CPS1: variants seen among roughly 807,000 people sequenced by gnomAD.
CPS1 encodes carbamoyl-phosphate synthase [ammonia], mitochondrial.
In CPS1, 109 loss-of-function variants were observed where a neutral mutation model predicts 174.6. The ratio of observed to expected loss-of-function variants is 0.62; its 90% confidence interval spans 0.53 to 0.73. CPS1 has a LOEUF of 0.73. CPS1 is among the 30% of genes least tolerant of loss of function. The pLI is 0.00. For missense variants in CPS1, 1,689 were observed against 1,821.9 expected (o/e 0.93, Z 1.33); for synonymous variants, 637 against 632.0 (o/e 1.01, Z -0.12).
At chr2:210,657,368 T>C (rs547450520) in intron 30 of CPS1, 1 of 151,206 alleles carries the variant, frequency 6.6e-6, no homozygotes, top group Admixed American at 6.6e-5. Flanking sequence ...GGGACTGCAG[T>C]GGCGCGATCT....
intron 14 of CPS1, 46 bp downstream of exon 14, chr2:210,599,607 C>T: frequency 1.3e-6 from 2 of 1,545,952 alleles, no homozygotes; most frequent in East Asian, 4.5e-5. Context: ...ATATGCACTG[C>T]TGTGTAATGT....
chr2:210,677,903 C>G lies in CPS1; in HGVS notation c.4421C>G (p.Ala1474Gly), dbSNP rs1273985260. ...TATTTTCAGGTGACCAAACTTTTTG[C>G]TGAAGCTGTGCAGAAATCTCGCAAG... The part of the protein sequence containing the change: ...LTNFQVTKLF[A>G]EAVQKSRKVD... The change falls in exon 38 of 38, where the codon GCT becomes GGT. Residue 1474 changes from alanine (A) to glycine (G), a missense_variant. Ala to Gly is a moderately conservative substitution (Grantham distance 60). Transcript: ENST00000233072. 6.2e-7 allele frequency: 1 copy of G among 1,613,818 alleles called. No individual in the cohort carries two copies. Among genetic ancestry groups the G allele is most frequent in the Non-Finnish European group, 8.5e-7 (1 of 1,179,860 alleles).
At chr2:210,637,644 C>T in intron 21 of CPS1, 58 bp from the exon 22 acceptor site, 1 of 1,581,544 alleles carries the variant, frequency 6.3e-7, no homozygotes, top group South Asian at 1.1e-5. Flanking sequence ...TTGAACTTGT[C>T]ACCGCTTTTT....
intron 34 of CPS1, 141 bp downstream of exon 34, chr2:210,668,425 A>G (rs1410091952): frequency 4.2e-6 from 3 of 722,034 alleles, no homozygotes; most frequent in African/African-American, 3.5e-5. Flanking sequence ...AAGAAGGGAC[A>G]TTTGTTCTCT....
At chr2:210,629,186 A>C (rs1403494455) in intron 21 of CPS1, among the ~76,000 whole-genome samples, 1 of 152,260 alleles carries the variant, frequency 6.6e-6, no homozygotes, top group African/African-American at 2.4e-5. Flanking sequence ...GAAGGCATAC[A>C]TTGAATAGAT....
At chr2:210,523,848 A>G (rs967798627) in intron 1 of CPS1, among the ~76,000 whole-genome samples, 5 of 152,070 alleles carry the variant, frequency 3.3e-5, no homozygotes, top group Non-Finnish European at 5.9e-5. Flanking sequence ...TTTGACCAGC[A>G]ATGCTGACCC....
At chr2:210,514,740 A>G (rs1012647705) in intron 1 of CPS1, among the ~76,000 whole-genome samples, 1 of 148,900 alleles carries the variant, frequency 6.7e-6, no homozygotes, top group Non-Finnish European at 1.5e-5. Context: ...TGGAGTGGTA[A>G]GAATAGGCAT....
intron 2 of CPS1, among the ~76,000 whole-genome samples, chr2:210,574,472 T>C (rs1006247633): frequency 6.6e-6 from 1 of 152,076 alleles, no homozygotes; most frequent in Admixed American, 6.6e-5. Flanking sequence ...ATGAAGAATA[T>C]TAGAGGGGTT....
chr2:210,568,240 A>G (rs1697364463), intron 1 of CPS1, among the ~76,000 whole-genome samples: 1 of 152,102 alleles, frequency 6.6e-6, no homozygotes, highest in Non-Finnish European at 1.5e-5. Flanking sequence ...CCAGGATGTA[A>G]AAGGCAACGA....
At chr2:210,616,582 T>C (rs749999370) in intron 21 of CPS1, 41 bp downstream of exon 21, 1 of 1,197,972 alleles carries the variant, frequency 8.3e-7, no homozygotes, top group South Asian at 1.2e-5. Context: ...ACACCTTCAG[T>C]GCAATTTTTA....
At chr2:210,502,310 C>T (rs1007365086) in intron 1 of CPS1, among the ~76,000 whole-genome samples, 31 of 150,638 alleles carry the variant, frequency 2.1e-4, no homozygotes, top group Admixed American at 6.6e-4. Flanking sequence ...TCCAAGTGGT[C>T]GAGGCACACT....
chr2:210,523,869 A>G (rs1386052501), intron 1 of CPS1, among the ~76,000 whole-genome samples: 2 of 151,960 alleles, frequency 1.3e-5, no homozygotes, highest in Non-Finnish European at 2.9e-5. Context: ...TTTGCTCTTT[A>G]CTAGAGGCAG....
chr2:210,648,235 T>C (rs982116972), intron 26 of CPS1, among the ~76,000 whole-genome samples, 178 bp downstream of exon 26: 1 of 152,244 alleles, frequency 6.6e-6, no homozygotes, highest in Non-Finnish European at 1.5e-5. Flanking sequence ...TATGAGTTGA[T>C]AGCAGTATTC....
At chr2:210,640,087 G>A (rs1454092572) in intron 24 of CPS1, 28 bp downstream of exon 24, 3 of 1,327,692 alleles carry the variant, frequency 2.3e-6, no homozygotes, top group South Asian at 2.4e-5. Context: ...GTGTATATAG[G>A]ACTTTACACA....
chr2:210,537,402 G>T (rs561746557), intron 1 of CPS1, among the ~76,000 whole-genome samples: 1 of 152,328 alleles, frequency 6.6e-6, no homozygotes, highest in East Asian at 1.9e-4. Flanking sequence ...TAAAGGATTT[G>T]TGTATGGGAT....
At chr2:210,637,904 G>C (rs1009704134) in intron 22 of CPS1, 61 bp downstream of exon 22, 16 of 1,581,016 alleles carry the variant, frequency 1.0e-5, no homozygotes, top group African/African-American at 1.3e-5. Flanking sequence ...TAAAACGTAG[G>C]CACCCATTCA....
chr2:210,651,886 C>A (rs1321748311), intron 28 of CPS1, among the ~76,000 whole-genome samples: 1 of 152,108 alleles, frequency 6.6e-6, no homozygotes, highest in Non-Finnish European at 1.5e-5. Flanking sequence ...GAATTGTAAT[C>A]GTGAAAAGAA....
chr2:210,591,041 A>AAAATAAATAAATAAAT (rs544805806), intron 9 of CPS1, 135 bp downstream of exon 9: 1 of 257,828 alleles, frequency 3.9e-6, no homozygotes, highest in African/African-American at 2.3e-5. Flanking sequence ...AAGTATAATA[A>AAAATAAATAAATAAAT]AAATAAATAA....
At chr2:210,507,581 G>A (rs987431625) in intron 1 of CPS1, among the ~76,000 whole-genome samples, 1 of 151,454 alleles carries the variant, frequency 6.6e-6, no homozygotes, top group Non-Finnish European at 1.5e-5. Context: ...ACACAGACTG[G>A]CAAATTGGAT....
Sources: allele counts gnomAD v4.1 joint callset (sites outside exome capture counted in the v4.1 genomes callset), GRCh38; gene constraint gnomAD v4.1.1; transcripts MANE v1.5; gene names NCBI Gene and HGNC (gene_info 2026-07-23, HGNC 2026-07-21).